Variants in PBX4 observed in about 807,000 individuals in gnomAD.
PBX4 encodes the protein pre-B-cell leukemia transcription factor 4.
Under a neutral mutation model 35.1 loss-of-function variants are expected in PBX4, and 26 were observed. The ratio of observed to expected loss-of-function variants is 0.74; its 90% CI spans 0.54 to 1.03. PBX4 has a LOEUF of 1.03. Ranked by LOEUF, PBX4 falls within the 50% of genes least tolerant of loss-of-function variation. The pLI is 0.00. For missense variants in PBX4, 448 were observed against 504.3 expected (o/e 0.89, Z 1.07); for synonymous variants, 199 against 204.2 (o/e 0.97, Z 0.22).
intron 2 of PBX4, among the ~76,000 whole-genome samples, chr19:19,598,088 G>A (rs954813992): frequency 6.6e-6 from 1 of 152,140 alleles, no homozygotes; most frequent in African/African-American, 2.4e-5. Context: ...TACAACGTGG[G>A]ATTCAGGGCA....
At chr19:19,602,450 GT>G (rs1185297800) in intron 1 of PBX4, among the ~76,000 whole-genome samples, 1 of 151,560 alleles carries the variant, frequency 6.6e-6, no homozygotes, top group South Asian at 2.1e-4. Context: ...TGTTAATCAT[GT>G]TTTTTTTCTT....
chr19:19,603,403 A>G lies in PBX4; in HGVS notation c.120-4038T>C, dbSNP rs548138287. On this transcript the variant is annotated intron_variant, in intron 1 of 7. Transcript: ENST00000251203. ...CATGGCTCACTGCAACCTCCACCTC[A>G]TGGGTTCAGGTGATTCTCCTGCGGC... is the stretch of plus-strand genomic sequence containing the variant. 2.0e-5 allele frequency among the ~76,000 whole-genome samples: 3 copies of G among 151,642 alleles called. No homozygotes were observed. The East Asian group carries it at 5.8e-4, about 29-fold the overall frequency.
intron 2 of PBX4, among the ~76,000 whole-genome samples, chr19:19,573,542 A>G (rs922538058): frequency 1.3e-5 from 2 of 152,182 alleles, no homozygotes; most frequent in African/African-American, 2.4e-5. Context: ...CTTAACCACA[A>G]GTCTCCAGTA....
intron 1 of PBX4, among the ~76,000 whole-genome samples, chr19:19,604,019 T>C (rs1022847265): frequency 6.6e-6 from 1 of 152,088 alleles, no homozygotes; most frequent in African/African-American, 2.4e-5. Flanking sequence ...TGAACAACTT[T>C]GATGAGTACT....
intron 5 of PBX4, among the ~76,000 whole-genome samples, chr19:19,568,083 T>C (rs1270820161): frequency 7.4e-4 from 74 of 100,490 alleles, no homozygotes; most frequent in East Asian, 3.2e-3. Context: ...GCTCACACTC[T>C]ATCTGTAACC....
intron 1 of PBX4, among the ~76,000 whole-genome samples, chr19:19,604,776 G>A (rs146388406): frequency 0.015 from 2,216 of 151,660 alleles, 74 homozygotes; most frequent in Admixed American, 0.07. Context: ...AATTTTTTAT[G>A]TTTTTAGTAT....
rs1344348105 is a variant in PBX4 at position 19,611,678 on chromosome 19, C to CAAA, written c.119+6830_119+6832dup. 1.3e-4 allele frequency among the ~76,000 whole-genome samples: 7 copies of CAAA among 53,662 alleles called. No homozygotes were observed. The East Asian group carries it at 2.2e-3, about 17-fold the overall frequency. 35.2% of individuals were successfully genotyped at this position (53,662 alleles called of 152,430 possible). Reference sequence around the variant, plus strand: ...TGGGTGACAGGGTGAGATTCTGTCTCAAAAAAAAAAAAAAAAAAAGAAAGA... The same window carrying CAAA: ...TGGGTGACAGGGTGAGATTCTGTCTCAAAAAAAAAAAAAAAAAAAAAAGAAAGA... On this transcript the variant is annotated intron_variant, in intron 1 of 7. Coordinates refer to ENST00000251203, the MANE Select transcript of PBX4 (RefSeq NM_025245.3).
At chr19:19,588,324 A>G (rs1000993892) in intron 2 of PBX4, 5 of 1,117,766 alleles carry the variant, frequency 4.5e-6, no homozygotes, top group Non-Finnish European at 5.5e-6. Context: ...AGTCACAGAT[A>G]ACACATTTGC....
rs538150265 is a variant in PBX4 at position 19,576,720 on chromosome 19, C to T, written c.194-5887G>A. ...GTAACCTCGACCTCCTGGGGTCAAG[C>T]GATCCTCCTGCCTCAGCTTCCTGAG... is the stretch of plus-strand genomic sequence containing the variant. On this transcript the variant is annotated intron_variant, in intron 2 of 7. Transcript: ENST00000251203. Among the ~76,000 whole-genome samples, 75 of 152,106 alleles carry T rather than the reference C, an allele frequency of 4.9e-4. No individual in the cohort carries two copies. In the South Asian group the frequency reaches 0.01, roughly 21 times the overall value.
chr19:19,566,521 T>C (rs1370279974), intron 5 of PBX4, among the ~76,000 whole-genome samples: 1 of 152,170 alleles, frequency 6.6e-6, no homozygotes, highest in Non-Finnish European at 1.5e-5. Flanking sequence ...AAGAGGATTG[T>C]GGATGACCTT....
At chr19:19,588,513 G>C in intron 2 of PBX4, 1 of 542,050 alleles carries the variant, frequency 1.8e-6, no homozygotes. Flanking sequence ...TCCTGACCTC[G>C]TGATCTACCC....
chr19:19,581,232 A>AT lies in PBX4; in HGVS notation c.194-10400dup, dbSNP rs1212848305. On this transcript the variant is annotated intron_variant, in intron 2 of 7. Transcript: ENST00000251203. ...CCTTACTGACTTGTATGTCTGTTTT[A>AT]TTTTTCCTTTCTTTTCCCCAGTAGT... Among the ~76,000 whole-genome samples, 23 of 151,984 alleles carry AT rather than the reference A, an allele frequency of 1.5e-4. No homozygotes were observed. In the South Asian group the frequency reaches 4.2e-3, roughly 27 times the overall value.
chr19:19,588,046 C>T (rs2144748328), intron 2 of PBX4: 1 of 640,778 alleles, frequency 1.6e-6, no homozygotes, highest in Non-Finnish European at 2.8e-6. Context: ...AAAGCTGCAG[C>T]AGCTTGATGT....
At chr19:19,603,927 A>C (rs1676019446) in intron 1 of PBX4, among the ~76,000 whole-genome samples, 1 of 145,476 alleles carries the variant, frequency 6.9e-6, no homozygotes, top group Non-Finnish European at 1.5e-5. Flanking sequence ...ACGCCACTGC[A>C]TCCCAGCGAG....
intron 1 of PBX4, among the ~76,000 whole-genome samples, chr19:19,605,840 ATTT>A (rs71338333): frequency 2.2e-3 from 270 of 123,034 alleles, no homozygotes; most frequent in African/African-American, 6.5e-3. Flanking sequence ...AGGCTCTAGG[ATTT>A]TTTTTTTTTT....
intron 2 of PBX4, among the ~76,000 whole-genome samples, chr19:19,579,311 T>C (rs1420446086): frequency 6.6e-6 from 1 of 150,488 alleles, no homozygotes. Context: ...ATTAAGCCAC[T>C]ACAGCCTGGC....
chr19:19,562,988 C>A lies in PBX4; in HGVS notation c.1032+521G>T, dbSNP rs534264900. On this transcript the variant is annotated intron_variant, in intron 7 of 7. Coordinates refer to ENST00000251203, the MANE Select transcript of PBX4 (RefSeq NM_025245.3). This position sits in a 1 kb window ranked among gnomAD's most constrained non-coding sequence, Gnocchi z 4.8. ...GAGAGTGGTGAGTTGGGAGGGGCAC[C>A]CGGCTCTGCAGTGCCCTGGCACACA... is the stretch of plus-strand genomic sequence containing the variant. Among the ~76,000 whole-genome samples the A allele has an allele frequency of 2.6e-5, 4 of 152,256 alleles. No homozygotes were observed. Among genetic ancestry groups the A allele is most frequent in the African/African-American group, 9.6e-5 (4 of 41,552 alleles).
At chr19:19,614,378 A>T (rs2061677945) in intron 1 of PBX4, among the ~76,000 whole-genome samples, 1 of 151,372 alleles carries the variant, frequency 6.6e-6, no homozygotes, top group African/African-American at 2.4e-5. Context: ...TCACGCCTGT[A>T]ATCCCAACAC....
At chr19:19,593,096 T>G (rs1251496874) in intron 2 of PBX4, among the ~76,000 whole-genome samples, 1 of 152,214 alleles carries the variant, frequency 6.6e-6, no homozygotes, top group East Asian at 1.9e-4. Flanking sequence ...ACTTAATCTT[T>G]GCCGTTGTTG....
Sources: allele counts gnomAD v4.1 joint callset (sites outside exome capture counted in the v4.1 genomes callset), GRCh38; gene constraint gnomAD v4.1.1; non-coding constraint Gnocchi (gnomAD v3.1); transcripts MANE v1.5; gene names NCBI Gene and HGNC (gene_info 2026-07-23, HGNC 2026-07-21).